Variants in PIWIL2 observed in about 807,000 individuals in gnomAD.
PIWIL2 encodes piwi like RNA-mediated gene silencing 2.
A neutral mutation model predicts 116.5 loss-of-function variants in PIWIL2; 81 were observed. That is an observed-to-expected ratio of 0.70 (90% CI 0.58 to 0.84). The LOEUF is 0.84. Among genes scored for constraint, PIWIL2 ranks in the 40% least tolerant of loss-of-function variants. The pLI, the probability that PIWIL2 is intolerant of heterozygous loss-of-function variation, is 0.00. For synonymous variants in PIWIL2, 489 were observed against 429.5 expected, an observed-to-expected ratio of 1.14 and a Z score of -1.71; for missense variants, 1,272 against 1,212.3, an observed-to-expected ratio of 1.05 and a Z score of -0.73.
intron 10 of PIWIL2, among the ~76,000 whole-genome samples, chr8:22,299,475 T>C (rs963497055): frequency 6.6e-6 from 1 of 152,198 alleles, no homozygotes; most frequent in Admixed American, 6.5e-5. Context: ...CCCAAAGTGC[T>C]GGGATTGCAA....
intron 13 of PIWIL2, among the ~76,000 whole-genome samples, chr8:22,306,946 T>C (rs542472064): frequency 2.0e-5 from 3 of 152,290 alleles, no homozygotes; most frequent in Middle Eastern, 3.4e-3. Flanking sequence ...AGAACTCACT[T>C]ATGTGATTCA....
chr8:22,340,135 C>T (rs2132093559), intron 20 of PIWIL2, among the ~76,000 whole-genome samples: 1 of 146,002 alleles, frequency 6.8e-6, no homozygotes. Flanking sequence ...TCACCGCAAC[C>T]TCCGCCTCCC....
At chr8:22,280,146 A>G (rs1431333337) in intron 2 of PIWIL2, among the ~76,000 whole-genome samples, 1 of 152,212 alleles carries the variant, frequency 6.6e-6, no homozygotes, top group African/African-American at 2.4e-5. Flanking sequence ...CTAGCTTCCG[A>G]TCATCCCTCC....
At chr8:22,320,189 C>T (rs982068410) in intron 20 of PIWIL2, among the ~76,000 whole-genome samples, 16 of 151,514 alleles carry the variant, frequency 1.1e-4, no homozygotes, top group African/African-American at 3.1e-4. Context: ...TCTTGAACTC[C>T]TGACCTCATG....
intron 20 of PIWIL2, among the ~76,000 whole-genome samples, chr8:22,319,663 G>T (rs1054158860): frequency 6.6e-6 from 1 of 152,176 alleles, no homozygotes; most frequent in African/African-American, 2.4e-5. Context: ...ACAGCCGAGG[G>T]CTCCATTTCT....
chr8:22,287,692 T>C, intron 7 of PIWIL2, 47 bp downstream of exon 7: 3 of 1,211,694 alleles, frequency 2.5e-6, no homozygotes, highest in Non-Finnish European at 2.5e-6. Context: ...CTAAGAGTGC[T>C]CTGGCGTTTT....
intron 10 of PIWIL2, among the ~76,000 whole-genome samples, chr8:22,294,336 TA>T (rs71544871): frequency 0.023 from 1,841 of 80,674 alleles, 19 homozygotes; most frequent in Middle Eastern, 0.033. Context: ...AGACTGTCTT[TA>T]AAAAAAAAAA....
Position 22,287,653 on chromosome 8 carries a change from CA to C in PIWIL2, c.861+11del, listed in dbSNP as rs777060945. On this transcript the variant is annotated intron_variant, in intron 7 of 22. Transcript: ENST00000356766. ...CCTGTTAAGCTTCAACAAGTGAGACCAAACAGGAAATGGACTTTGAGATGAA... is the reference window on the plus strand; with the variant it reads ...CCTGTTAAGCTTCAACAAGTGAGACCAACAGGAAATGGACTTTGAGATGAA... The C allele has an allele frequency of 1.3e-6, 2 of 1,514,896 alleles. No individual in the cohort carries two copies. The highest frequency in any genetic ancestry group is 2.2e-5 in the South Asian group (2 of 89,126). The allele number at this position is 1,514,896 out of a possible 1,614,324, so 93.8% of individuals were successfully genotyped here. A position where few individuals can be genotyped will look rare whatever the true frequency, so the allele number is the denominator to read the frequency against.
Position 22,289,847 on chromosome 8 carries a change from G to A in PIWIL2, c.987G>A (p.Arg329=). The change falls in exon 9 of 23, where the codon CGG becomes CGA. Residue 329 remains arginine (R), a splice_region_variant and synonymous_variant. Transcript: ENST00000356766. The part of the protein sequence containing the change: ...CIPFYNVVFR[R]VMKLLDMKLV... Reference sequence around the variant, plus strand: ...AACTCATACTTGCTTTTTATTTCAGGGTAATGAAACTTTTAGATATGAAGC... The same window carrying A: ...AACTCATACTTGCTTTTTATTTCAGAGTAATGAAACTTTTAGATATGAAGC... The A allele has an allele frequency of 1.9e-6, 3 of 1,585,258 alleles. No homozygotes were observed. In the African/African-American group the frequency reaches 4.0e-5, roughly 21 times the overall value.
intron 1 of PIWIL2, 94 bp downstream of exon 1, chr8:22,275,492 G>GCCCTCCCGGGCCTCTC (rs1230492099): frequency 1.3e-5 from 2 of 152,226 alleles, no homozygotes; most frequent in Non-Finnish European, 2.9e-5. Flanking sequence ...GGGGTGAGCC[G>GCCCTCCCGGGCCTCTC]CCCTCCCGGG....
chr8:22,323,311 C>A (rs1286733899), intron 20 of PIWIL2, among the ~76,000 whole-genome samples: 2 of 152,194 alleles, frequency 1.3e-5, no homozygotes, highest in South Asian at 4.2e-4. Context: ...CCATGCCTGG[C>A]TAATTTTTGT....
Position 22,306,027 on chromosome 8 carries a change from T to C in PIWIL2, c.1545+11T>C. ...TTCAGAGCCATGAAGGTTGGAGTCC[T>C]GTGTTTTCAGCCGGAAATGCCCACT... On this transcript the variant is annotated intron_variant, in intron 13 of 22. Transcript: ENST00000356766. The C allele has an allele frequency of 1.3e-6, 2 of 1,598,504 alleles. No individual in the cohort carries two copies. The highest frequency in any genetic ancestry group is 1.7e-6 in the Non-Finnish European group (2 of 1,165,840).
intron 20 of PIWIL2, among the ~76,000 whole-genome samples, chr8:22,319,393 A>C (rs776350227): frequency 2.6e-5 from 4 of 152,058 alleles, no homozygotes; most frequent in African/African-American, 4.8e-5. Context: ...TTGTTGTTCT[A>C]ATTGTTTTCC....
intron 20 of PIWIL2, among the ~76,000 whole-genome samples, chr8:22,335,039 A>AGT (rs1242296402): frequency 6.8e-6 from 1 of 146,584 alleles, no homozygotes; most frequent in African/African-American, 2.5e-5. Context: ...TGGGTGACAG[A>AGT]GTGAGACTCT....
Position 22,323,327 on chromosome 8 carries a change from T to C in PIWIL2, c.2403+5052T>C, listed in dbSNP as rs186255871. 7.5e-3 allele frequency among the ~76,000 whole-genome samples: 1,141 copies of C among 152,046 alleles called. 8 individuals are homozygous for C. The highest frequency in any genetic ancestry group is 0.026 in the African/African-American group (1,092 of 41,466). ...CATGCCTGGCTAATTTTTGTATTTT[T>C]AGTAGAGACGGGGTATCACCATGTT... On this transcript the variant is annotated intron_variant, in intron 20 of 22. Coordinates refer to ENST00000356766, the MANE Select transcript of PIWIL2 (RefSeq NM_018068.5).
chr8:22,320,612 C>T (rs1831576199), intron 20 of PIWIL2, among the ~76,000 whole-genome samples: 1 of 150,102 alleles, frequency 6.7e-6, no homozygotes, highest in African/African-American at 2.5e-5. Flanking sequence ...TTTTTTGAGA[C>T]GGAATTTCAC....
At chr8:22,327,389 C>T (rs7834168) in intron 20 of PIWIL2, among the ~76,000 whole-genome samples, 52 of 131,914 alleles carry the variant, frequency 3.9e-4, no homozygotes, top group African/African-American at 1.4e-3. Flanking sequence ...TTTTTTGAGA[C>T]GGAGTTTCAC....
rs563905740 is a variant in PIWIL2 at position 22,319,698 on chromosome 8, T to A, written c.2403+1423T>A. Reference sequence around the variant, plus strand: ...TCCATGTGGGCCTTGTTGTATGGTCTTTTCACATGGGCTCTTTGGGCCTCC... The same window carrying A: ...TCCATGTGGGCCTTGTTGTATGGTCATTTCACATGGGCTCTTTGGGCCTCC... On this transcript the variant is annotated intron_variant, in intron 20 of 22. Transcript: ENST00000356766. 2.0e-5 allele frequency among the ~76,000 whole-genome samples: 3 copies of A among 152,348 alleles called. No individual in the cohort carries two copies. In the South Asian group the frequency reaches 6.2e-4, roughly 32 times the overall value.
intron 6 of PIWIL2, among the ~76,000 whole-genome samples, 180 bp downstream of exon 6, chr8:22,284,452 GC>G (rs1189451997): frequency 6.6e-6 from 1 of 152,052 alleles, no homozygotes; most frequent in Non-Finnish European, 1.5e-5. Context: ...TATGTATTTA[GC>G]TATATTACCA....
Sources: allele counts gnomAD v4.1 joint callset (sites outside exome capture counted in the v4.1 genomes callset), GRCh38; gene constraint gnomAD v4.1.1; transcripts MANE v1.5; gene names NCBI Gene and HGNC (gene_info 2026-07-23, HGNC 2026-07-21).